The following SCMH1 variants were observed in gnomAD, a reference collection of about 807,000 sequenced individuals.
SCMH1 encodes the protein Scm polycomb group protein homolog 1.
SCMH1 carries 37 observed loss-of-function variants against 70.8 expected under a neutral mutation model. The observed-to-expected ratio is 0.52, with a 90% CI of 0.40 to 0.69. SCMH1 has a LOEUF of 0.69. SCMH1 is among the 30% of genes least tolerant of loss of function. The probability of loss-of-function intolerance (pLI) is 0.00; values close to 1 mark genes in which losing one functional copy is unlikely to be tolerated. For missense variants in SCMH1, 607 were observed against 827.3 expected, an observed-to-expected ratio of 0.73 and a Z score of 3.27; for synonymous variants, 292 against 307.4, an observed-to-expected ratio of 0.95 and a Z score of 0.52.
In SCMH1 at chr1:41,143,114, T is replaced by G; in HGVS notation, c.178-2A>C. 3 of 1,612,878 alleles carry G rather than the reference T, an allele frequency of 1.9e-6. No homozygotes were observed. The highest frequency in any genetic ancestry group is 2.5e-6 in the Non-Finnish European group (3 of 1,179,016). ...CTCGTTGCTTGGAGGTGTGTAGGAC[T>G]GGGAAAAACAAGGCATGAGGTATAG... is the stretch of plus-strand genomic sequence containing the variant. On this transcript the variant is annotated splice_acceptor_variant, in intron 5 of 14. Coordinates refer to ENST00000337495, the Ensembl canonical transcript of SCMH1. LOFTEE classifies it high-confidence loss of function.
At chr1:41,071,543 G>A (rs1417889555) in intron 9 of SCMH1, among the ~76,000 whole-genome samples, 2 of 152,130 alleles carry the variant, frequency 1.3e-5, no homozygotes, top group Non-Finnish European at 2.9e-5. Context: ...GAAGCATGCA[G>A]TATAGAATAA....
chr1:41,190,120 T>C (rs1022590062), intron 1 of SCMH1, among the ~76,000 whole-genome samples: 4 of 152,154 alleles, frequency 2.6e-5, no homozygotes, highest in African/African-American at 9.7e-5. Context: ...TCCAAACATA[T>C]CAGAAGTAGG....
intron 5 of SCMH1, among the ~76,000 whole-genome samples, chr1:41,144,835 A>G (rs1380112008): frequency 1.3e-5 from 2 of 152,148 alleles, no homozygotes; most frequent in Non-Finnish European, 2.9e-5. Context: ...TTTGATTAGC[A>G]TTTCTCTAAT....
intron 1 of SCMH1, among the ~76,000 whole-genome samples, chr1:41,227,091 C>T (rs1459086112): frequency 1.3e-5 from 2 of 152,224 alleles, no homozygotes. Flanking sequence ...CCTTCAGTGG[C>T]TTTCCATTGC....
intron 8 of SCMH1, among the ~76,000 whole-genome samples, chr1:41,109,229 T>C (rs766493590): frequency 1.3e-5 from 2 of 152,230 alleles, no homozygotes; most frequent in Non-Finnish European, 2.9e-5. Flanking sequence ...AAAATAATTA[T>C]ACCTTGTTCA....
At chr1:41,090,182 T>C (rs1238164411) in intron 8 of SCMH1, among the ~76,000 whole-genome samples, 1 of 152,146 alleles carries the variant, frequency 6.6e-6, no homozygotes, top group East Asian at 1.9e-4. Context: ...CAAAGAGTTG[T>C]TATGTGTTGT....
intron 6 of SCMH1, among the ~76,000 whole-genome samples, chr1:41,133,602 G>T (rs1642751514): frequency 6.6e-6 from 1 of 151,786 alleles, no homozygotes; most frequent in Non-Finnish European, 1.5e-5. Flanking sequence ...TGATAAAGTG[G>T]ATATCACCAC....
At chr1:41,027,492 T>C (rs1371165526) in exon 15 of SCMH1, 1 of 152,236 alleles carries the variant, frequency 6.6e-6, no homozygotes, top group Non-Finnish European at 1.5e-5. Context: ...AAGGGCCCCG[T>C]GAAGAGAGGA....
intron 1 of SCMH1, among the ~76,000 whole-genome samples, chr1:41,237,453 G>A (rs1275398871): frequency 6.6e-6 from 1 of 152,106 alleles, no homozygotes; most frequent in African/African-American, 2.4e-5. Flanking sequence ...CTGAATTGAT[G>A]CCTATACATT....
intron 2 of SCMH1, among the ~76,000 whole-genome samples, chr1:41,169,940 C>T (rs1447695077): frequency 6.6e-6 from 1 of 152,202 alleles, no homozygotes; most frequent in African/African-American, 2.4e-5. Flanking sequence ...AATGTGTGGA[C>T]AAACTCTTCC....
intron 6 of SCMH1, among the ~76,000 whole-genome samples, chr1:41,138,300 TA>T (rs1365580764): frequency 2.0e-5 from 3 of 152,176 alleles, no homozygotes; most frequent in African/African-American, 7.2e-5. Context: ...GTAGGTCCTA[TA>T]AATATAAAGG....
chr1:41,062,740 GAA>G (rs1292039887), intron 10 of SCMH1, among the ~76,000 whole-genome samples: 4 of 98,166 alleles, frequency 4.1e-5, no homozygotes. Context: ...CTCCATCTCA[GAA>G]AAAAAAAAAA....
At chr1:41,220,851 C>A (rs1419601532) in intron 1 of SCMH1, among the ~76,000 whole-genome samples, 2 of 152,182 alleles carry the variant, frequency 1.3e-5, no homozygotes, top group African/African-American at 4.8e-5. Flanking sequence ...TTTCCAATGC[C>A]ATCTTGACAC....
chr1:41,118,442 G>A (rs1671084049), intron 6 of SCMH1, among the ~76,000 whole-genome samples: 1 of 152,184 alleles, frequency 6.6e-6, no homozygotes, highest in Non-Finnish European at 1.5e-5. Flanking sequence ...AACCAAACAT[G>A]TCAACCGATA....
intron 8 of SCMH1, among the ~76,000 whole-genome samples, chr1:41,080,043 A>C (rs1401559134): frequency 6.6e-6 from 1 of 151,898 alleles, no homozygotes; most frequent in Non-Finnish European, 1.5e-5. Flanking sequence ...ATTTTTTCTT[A>C]CACTTTGTTC....
intron 1 of SCMH1, among the ~76,000 whole-genome samples, chr1:41,227,187 G>A (rs188642240): frequency 2.0e-5 from 3 of 152,278 alleles, no homozygotes; most frequent in Admixed American, 1.3e-4. Context: ...TAATCCCCTA[G>A]CTAAGTTCCA....
At chr1:41,218,567 C>A (rs945352317) in intron 1 of SCMH1, among the ~76,000 whole-genome samples, 2 of 152,178 alleles carry the variant, frequency 1.3e-5, no homozygotes, top group Non-Finnish European at 2.9e-5. Context: ...TAATATTAGA[C>A]TTCTAGCCTC....
At chr1:41,150,868 C>A (rs1050138449) in intron 5 of SCMH1, among the ~76,000 whole-genome samples, 6 of 131,972 alleles carry the variant, frequency 4.5e-5, no homozygotes, top group Non-Finnish European at 6.1e-5. Context: ...ACCCAGGAGG[C>A]GGAGCTTGCA....
chr1:41,134,498 C>T (rs1013224159), intron 6 of SCMH1, among the ~76,000 whole-genome samples: 1 of 152,180 alleles, frequency 6.6e-6, no homozygotes, highest in Non-Finnish European at 1.5e-5. Context: ...CAAATTGTCT[C>T]TGTTCACAGA....
Sources: gnomAD v4.1 joint callset for allele counts (sites outside exome capture counted in the v4.1 genomes callset) on GRCh38, gnomAD v4.1.1 for gene constraint, MANE v1.5 for transcripts, NCBI Gene and HGNC (gene_info 2026-07-23, HGNC 2026-07-21) for gene names.